RPH3A: variants seen among roughly 807,000 people sequenced by gnomAD.
RPH3A encodes the protein rabphilin-3A.
In RPH3A, 48 loss-of-function variants were observed where a neutral mutation model predicts 102.2. The ratio of observed to expected loss-of-function variants is 0.47; its 90% CI spans 0.37 to 0.60. RPH3A has a LOEUF of 0.60. RPH3A is among the 20% of genes least tolerant of loss of function. The pLI is 0.00. For synonymous variants in RPH3A, 310 were observed against 324.3 expected (o/e 0.96, Z 0.47); for missense variants, 781 against 910.1 (o/e 0.86, Z 1.83).
intron 2 of RPH3A, among the ~76,000 whole-genome samples, chr12:112,801,977 TG>T (rs1593016375): frequency 6.6e-6 from 1 of 152,236 alleles, no homozygotes; most frequent in African/African-American, 2.4e-5. Flanking sequence ...TGCTTCTAAT[TG>T]TTGCTTTTCT....
intron 1 of RPH3A, among the ~76,000 whole-genome samples, chr12:112,718,353 A>G (rs2040527624): frequency 6.6e-6 from 1 of 152,236 alleles, no homozygotes; most frequent in African/African-American, 2.4e-5. Flanking sequence ...TGAATAAGTA[A>G]CATTTTCATA....
chr12:112,723,837 T>C lies in RPH3A; in HGVS notation c.-139-68306T>C, dbSNP rs1025372360. ...ACAGTATGGACGACAGTTAATGTTA[T>C]GCAGTTATGGTTTAATATTGCATAT... is the stretch of plus-strand genomic sequence containing the variant. On this transcript the variant is annotated intron_variant, in intron 1 of 21. Transcript: ENST00000543106. 1.5e-4 allele frequency among the ~76,000 whole-genome samples: 23 copies of C among 152,248 alleles called. 2 individuals are homozygous for C. The highest frequency in any genetic ancestry group is 1.3e-4 in the Admixed American group (2 of 15,290).
At chr12:112,728,541 G>T (rs567852947) in intron 1 of RPH3A, among the ~76,000 whole-genome samples, 1 of 152,150 alleles carries the variant, frequency 6.6e-6, no homozygotes, top group African/African-American at 2.4e-5. Context: ...GAACTATAAA[G>T]ACTTAAGAAT....
chr12:112,862,245 CA>C (rs140453374), intron 5 of RPH3A, among the ~76,000 whole-genome samples: 43 of 148,434 alleles, frequency 2.9e-4, no homozygotes, highest in East Asian at 4.0e-4. Context: ...GTCCCCCCCC[CA>C]AAAAAAAAGT....
In RPH3A at chr12:112,881,799, T is replaced by C; in HGVS notation, c.1279T>C (p.Leu427=). ...CCTGAAGCCCATGGATTCAAACGGC[T>C]TGGCTGATCCCTACGTTAAGCTGCA... ...KGLKPMDSNG[L]ADPYVKLHLL... Residue 427 remains leucine (L), a synonymous_variant, in exon 15 of 22, where the codon TTG becomes CTG. Transcript: ENST00000389385. 2.5e-6 allele frequency: 4 copies of C among 1,612,910 alleles called. No homozygotes were observed. Among genetic ancestry groups the C allele is most frequent in the Non-Finnish European group, 3.4e-6 (4 of 1,179,284 alleles).
At chr12:112,886,839 T>C (rs1245845427) in intron 16 of RPH3A, among the ~76,000 whole-genome samples, 1 of 152,092 alleles carries the variant, frequency 6.6e-6, no homozygotes, top group Non-Finnish European at 1.5e-5. Flanking sequence ...ATAGGAAAAA[T>C]TAAATGAGAA....
At chr12:112,607,184 G>A (rs2135972082) in intron 1 of RPH3A, among the ~76,000 whole-genome samples, 1 of 152,202 alleles carries the variant, frequency 6.6e-6, no homozygotes, top group African/African-American at 2.4e-5. Context: ...GGCCTCTTGG[G>A]GCTACTTTCA....
chr12:112,884,515 C>T (rs1375165969), intron 16 of RPH3A, among the ~76,000 whole-genome samples: 1 of 152,158 alleles, frequency 6.6e-6, no homozygotes, highest in Non-Finnish European at 1.5e-5. Context: ...TAGCCAATTC[C>T]CTTTGGGTGG....
intron 17 of RPH3A, 63 bp downstream of exon 17, chr12:112,887,986 T>G: frequency 6.3e-7 from 1 of 1,581,946 alleles, no homozygotes; most frequent in South Asian, 1.1e-5. Context: ...TGCCTTCCTC[T>G]GGGTCTGAAT....
At chr12:112,667,448 G>C (rs1027138776) in intron 1 of RPH3A, among the ~76,000 whole-genome samples, 5 of 151,998 alleles carry the variant, frequency 3.3e-5, no homozygotes, top group Non-Finnish European at 7.4e-5. Flanking sequence ...AATTGCTCAG[G>C]CAGAAAATGC....
At chr12:112,611,501 C>T (rs1396751502) in intron 1 of RPH3A, among the ~76,000 whole-genome samples, 1 of 152,140 alleles carries the variant, frequency 6.6e-6, no homozygotes, top group Non-Finnish European at 1.5e-5. Flanking sequence ...TACAATGGCA[C>T]AATCTCGGCC....
chr12:112,877,648 G>A (rs1565938096), intron 13 of RPH3A, among the ~76,000 whole-genome samples: 2 of 152,120 alleles, frequency 1.3e-5, no homozygotes, highest in African/African-American at 2.4e-5. Context: ...CCAGCAACAC[G>A]GCCTTGACCT....
At chr12:112,647,605 A>ATGTG (rs34686040) in intron 1 of RPH3A, among the ~76,000 whole-genome samples, 2 of 149,590 alleles carry the variant, frequency 1.3e-5, no homozygotes, top group African/African-American at 4.9e-5. Context: ...GTGTGTGTGT[A>ATGTG]TGTGTGTGTG....
intron 1 of RPH3A, among the ~76,000 whole-genome samples, chr12:112,621,652 G>C (rs2039726746): frequency 1.3e-5 from 2 of 151,790 alleles, no homozygotes; most frequent in Admixed American, 1.3e-4. Context: ...CCATTGCCCA[G>C]GCTTGCTTAG....
At chr12:112,824,544 C>G (rs1197670132) in intron 2 of RPH3A, among the ~76,000 whole-genome samples, 4 of 152,188 alleles carry the variant, frequency 2.6e-5, no homozygotes, top group African/African-American at 9.7e-5. Flanking sequence ...GCCTTCCTGT[C>G]CCTGGGCCTG....
At chr12:112,610,446 G>A (rs542788921) in intron 1 of RPH3A, among the ~76,000 whole-genome samples, 1 of 150,396 alleles carries the variant, frequency 6.6e-6, no homozygotes, top group South Asian at 2.1e-4. Flanking sequence ...GAGGTTGCAG[G>A]GAGCAGAGGT....
chr12:112,671,770 G>A (rs567846111), intron 1 of RPH3A, among the ~76,000 whole-genome samples: 42 of 152,106 alleles, frequency 2.8e-4, no homozygotes, highest in African/African-American at 9.2e-4. Flanking sequence ...GAGTAGCAGA[G>A]AGTACATGAG....
rs967224281 is a variant in RPH3A, at chr12:112,717,528, G to A, written c.-139-74615G>A. The stretch of plus-strand genomic sequence containing the variant: ...CTTTGAATCTGGCTTCTTTCATTTT[G>A]CATAATGCATTTGAGATACATCAAT... On this transcript the variant is annotated intron_variant, in intron 1 of 21. Coordinates refer to the RPH3A transcript ENST00000543106. 2.6e-5 allele frequency among the ~76,000 whole-genome samples: 4 copies of A among 151,676 alleles called. No individual in the cohort carries two copies. In the South Asian group the frequency reaches 8.4e-4, roughly 32 times the overall value.
chr12:112,791,867 G>GGAGAGAAAGAGAGA lies in RPH3A; in HGVS notation c.-279_-278insAAGAGAGAGAGAGA, dbSNP rs2041112798. The GGAGAGAAAGAGAGA allele has an allele frequency of 2.1e-5, 1 of 48,484 alleles. No individual in the cohort carries two copies. Among genetic ancestry groups the GGAGAGAAAGAGAGA allele is most frequent in the Admixed American group, 2.8e-4 (1 of 3,524 alleles). The allele number at this position is 48,484 out of a possible 1,614,324, so 3.0% of individuals were successfully genotyped here. On this transcript the variant is annotated 5_prime_UTR_variant, in exon 1 of 22. Transcript: ENST00000389385. ...CGCGGACTGGAAAGGAAGGGAGAAG[G>GGAGAGAAAGAGAGA]GAGAGAGAGAGAGAGAGAGAGAGAG...
Sources: allele counts gnomAD v4.1 joint callset (sites outside exome capture counted in the v4.1 genomes callset), GRCh38; gene constraint gnomAD v4.1.1; transcripts MANE v1.5; gene names NCBI Gene and HGNC (gene_info 2026-07-23, HGNC 2026-07-21).